PNLIPRP1: variants seen among roughly 807,000 people sequenced by gnomAD.
The protein encoded by PNLIPRP1 is inactive pancreatic lipase-related protein 1.
A neutral mutation model predicts 54.6 loss-of-function variants in PNLIPRP1; 57 were observed. That is an observed-to-expected ratio of 1.04 (90% CI 0.84 to 1.30). The LOEUF (loss-of-function observed/expected upper bound fraction) is 1.30, where lower values mean the gene tolerates loss of function less well. Among genes scored for constraint, PNLIPRP1 ranks in the 50% most tolerant of loss-of-function variants. The probability of loss-of-function intolerance (pLI) is 0.00; values close to 1 mark genes in which losing one functional copy is unlikely to be tolerated. For synonymous variants in PNLIPRP1, 232 were observed against 208.8 expected, an observed-to-expected ratio of 1.11 and a Z score of -0.96; for missense variants, 567 against 568.5, an observed-to-expected ratio of 1.00 and a Z score of 0.03.
chr10:116,591,810 A>T lies in PNLIPRP1; in HGVS notation c.89A>T (p.Asp30Val). The change falls in exon 3 of 13, where the codon GAC (aspartate) becomes GTC (valine). Residue 30 changes from aspartate to valine, a missense_variant. Physicochemically the swap from Asp to Val is radical, Grantham distance 152 (BLOSUM62 -3). Transcript: ENST00000358834. ...VCYEDLGCFS[D>V]TEPWGGTAIR... ...TATGAGGACCTCGGGTGCTTTTCTG[A>T]CACTGAGCCCTGGGGCGGGACAGCA... The T allele has an allele frequency of 6.2e-7, 1 of 1,614,198 alleles. No homozygotes were observed. Among genetic ancestry groups the T allele is most frequent in the South Asian group, 1.1e-5 (1 of 91,086 alleles).
At chr10:116,591,308 C>A in intron 2 of PNLIPRP1, 130 bp downstream of exon 2, 1 of 695,732 alleles carries the variant, frequency 1.4e-6, no homozygotes, top group Non-Finnish European at 2.5e-6. Flanking sequence ...TGGGCTGACA[C>A]TCTGCCTGGG....
chr10:116,592,824 C>A, intron 4 of PNLIPRP1: 1 of 446,942 alleles, frequency 2.2e-6, no homozygotes, highest in Non-Finnish European at 4.2e-6. Flanking sequence ...ACTTTGTATC[C>A]TATAAGCGAG....
chr10:116,604,904 G>C (rs1004368185), intron 11 of PNLIPRP1, among the ~76,000 whole-genome samples: 2 of 151,992 alleles, frequency 1.3e-5, no homozygotes, highest in African/African-American at 4.8e-5. Context: ...TGTTGGCCAG[G>C]CTGGTCTCGA....
chr10:116,603,797 G>A (rs1185725788), intron 10 of PNLIPRP1, among the ~76,000 whole-genome samples: 1 of 152,170 alleles, frequency 6.6e-6, no homozygotes, highest in East Asian at 1.9e-4. Context: ...GGAGGTTGAG[G>A]CAGAAGAATT....
At chr10:116,591,271 C>T in intron 2 of PNLIPRP1, 93 bp downstream of exon 2, 4 of 943,100 alleles carry the variant, frequency 4.2e-6, no homozygotes, top group Non-Finnish European at 6.7e-6. Flanking sequence ...GGGCTCCCAG[C>T]AGCTCCAGGG....
intron 4 of PNLIPRP1, chr10:116,594,409 C>T (rs1005006477): frequency 2.0e-6 from 1 of 500,098 alleles, no homozygotes; most frequent in Non-Finnish European, 3.9e-6. Flanking sequence ...GCACCTAAGA[C>T]TTTTCCTTTT....
At chr10:116,598,237 A>G (rs1847772309) in intron 8 of PNLIPRP1, 71 bp downstream of exon 8, 5 of 1,351,490 alleles carry the variant, frequency 3.7e-6, no homozygotes, top group Non-Finnish European at 5.0e-6. Context: ...TTCTGCAGCA[A>G]ATCTTAAGAA....
rs1554863949 is a variant in PNLIPRP1, at chr10:116,596,251, T to C, written c.503T>C (p.Ile168Thr). Reference protein sequence around the residue: ...YSYPPSKVHLIGHSLGAHVAG... With the variant: ...YSYPPSKVHLTGHSLGAHVAG... ...TACCCCCCTTCCAAAGTTCACCTCA[T>C]TGGCCACAGCCTGGGAGCCCACGTG... is the stretch of plus-strand genomic sequence containing the variant. The change falls in exon 6 of 13, where the codon ATT becomes ACT. Residue 168 changes from isoleucine (I) to threonine (T), a missense_variant. Coordinates refer to ENST00000358834, the MANE Select transcript of PNLIPRP1 (RefSeq NM_006229.4). 4 of 1,614,006 alleles carry C rather than the reference T, an allele frequency of 2.5e-6. No individual in the cohort carries two copies. The highest frequency in any genetic ancestry group is 2.2e-5 in the East Asian group (1 of 44,878).
chr10:116,596,371 A>G, intron 6 of PNLIPRP1, 49 bp downstream of exon 6: 1 of 1,139,050 alleles, frequency 8.8e-7, no homozygotes, highest in Non-Finnish European at 1.3e-6. Context: ...AAACCCCAGA[A>G]TGAGGTCTCA....
At chr10:116,597,334 C>T (rs569162398) in intron 6 of PNLIPRP1, among the ~76,000 whole-genome samples, 2 of 152,258 alleles carry the variant, frequency 1.3e-5, no homozygotes, top group African/African-American at 2.4e-5. Context: ...CATTATCACC[C>T]CATTTTGTAA....
intron 8 of PNLIPRP1, among the ~76,000 whole-genome samples, chr10:116,599,393 C>T (rs1554864459): frequency 6.6e-6 from 1 of 152,118 alleles, no homozygotes; most frequent in African/African-American, 2.4e-5. Flanking sequence ...AGTAATGGCC[C>T]AGCAAGCTCA....
intron 12 of PNLIPRP1, among the ~76,000 whole-genome samples, chr10:116,607,550 TCCAAGTGCATGAGGGGCGACAGGGC>T (rs1221809470): frequency 1.3e-5 from 2 of 152,112 alleles, no homozygotes; most frequent in African/African-American, 4.8e-5. Context: ...GGGCAACAGG[TCCAAGTGCATGAGGGGCGACAGGGC>T]CCAAGTGCAG....
Position 116,596,213 on chromosome 10 carries a change from G to A in PNLIPRP1, c.466-1G>A, listed in dbSNP as rs1341008446. 2 of 1,600,564 alleles carry A rather than the reference G, an allele frequency of 1.2e-6. No homozygotes were observed. Among genetic ancestry groups the A allele is most frequent in the Non-Finnish European group, 1.7e-6 (2 of 1,168,204 alleles). Reference sequence around the variant, plus strand: ...CTGAAAATACAATCTTCCCTCTCCAGACAGAGTATAGCTACCCCCCTTCCA... The same window carrying A: ...CTGAAAATACAATCTTCCCTCTCCAAACAGAGTATAGCTACCCCCCTTCCA... On this transcript the variant is annotated splice_acceptor_variant, in intron 5 of 12. Coordinates refer to ENST00000358834, the MANE Select transcript of PNLIPRP1 (RefSeq NM_006229.4). LOFTEE classifies it high-confidence loss of function.
In PNLIPRP1 at chr10:116,604,030, G is replaced by T; in HGVS notation, c.1064G>T (p.Arg355Leu). 6.3e-6 allele frequency: 10 copies of T among 1,598,420 alleles called. No homozygotes were observed. Among genetic ancestry groups the T allele is most frequent in the Non-Finnish European group, 8.6e-6 (10 of 1,166,594 alleles). ...TTGAACTCTTCCATCTCCTGTGCAG[G>T]CTGGAGATATGGGGTTTCCATCACA... Reference protein sequence around the residue: ...LNTGEASNFARWRYGVSITLS... With the variant: ...LNTGEASNFALWRYGVSITLS... Residue 355 changes from arginine to leucine, a missense_variant and splice_region_variant, in exon 11 of 13, where the codon CGC becomes CTC. By Grantham distance (102) the Arg-to-Leu change is moderately radical. Coordinates refer to ENST00000358834, the MANE Select transcript of PNLIPRP1 (RefSeq NM_006229.4).
chr10:116,598,084 C>A lies in PNLIPRP1; in HGVS notation c.732C>A (p.Phe244Leu), dbSNP rs1554864214. The A allele has an allele frequency of 1.2e-6, 2 of 1,614,026 alleles. No homozygotes were observed. The highest frequency in any genetic ancestry group is 1.3e-5 in the African/African-American group (1 of 74,908). ...GTNQQMGHLDFFPNGGESMPG... is the reference protein window; with the variant it reads ...GTNQQMGHLDLFPNGGESMPG... ...ACCAACAGATGGGTCATCTTGACTTCTTCCCCAATGGAGGAGAGAGCATGC... is the reference window on the plus strand; with the variant it reads ...ACCAACAGATGGGTCATCTTGACTTATTCCCCAATGGAGGAGAGAGCATGC... Residue 244 changes from phenylalanine (F) to leucine (L), a missense_variant, in exon 8 of 13, where the codon TTC becomes TTA. Physicochemically the swap from Phe to Leu is conservative, Grantham distance 22. Transcript: ENST00000358834.
rs782460714 is a variant in PNLIPRP1, at chr10:116,609,123, G to A, written c.*7G>A. On this transcript the variant is annotated 3_prime_UTR_variant, in exon 13 of 13. Transcript: ENST00000358834. The stretch of plus-strand genomic sequence containing the variant: ...CACCCTCACGCCCTGCTAAGCTCCC[G>A]GGGCGACGAGGCTGCTGCGTTCACA... 2.5e-6 allele frequency: 4 copies of A among 1,600,660 alleles called. No individual in the cohort carries two copies. In the South Asian group the frequency reaches 3.3e-5, roughly 13 times the overall value.
At chr10:116,598,192 G>A in intron 8 of PNLIPRP1, 26 bp downstream of exon 8, 1 of 1,603,608 alleles carries the variant, frequency 6.2e-7, no homozygotes, top group Non-Finnish European at 8.5e-7. Context: ...GGTGAGGGGA[G>A]CAGGGCGGGT....
intron 4 of PNLIPRP1, chr10:116,593,922 A>C (rs1332065994): frequency 1.3e-5 from 2 of 155,762 alleles, no homozygotes; most frequent in Admixed American, 1.4e-4. Flanking sequence ...GCGCCACTGC[A>C]CTCCAGCCTG....
In PNLIPRP1 at chr10:116,601,143, G is replaced by A. The variant is rs1160316058; in HGVS notation, c.1005G>A (p.Arg335=). The change falls in exon 10 of 13, where the codon AGG becomes AGA. Residue 335 remains arginine, a synonymous_variant. Transcript: ENST00000358834. Reference sequence around the variant, plus strand: ...ACTATGCTGATAAATTTGCTGGCAGGACAAGTGAAGAGCAGCAGAAATTCT... The same window carrying A: ...ACTATGCTGATAAATTTGCTGGCAGAACAAGTGAAGAGCAGCAGAAATTCT... ...MGHYADKFAG[R]TSEEQQKFFL... is the part of the protein sequence containing the mutation. The A allele has an allele frequency of 1.9e-6, 3 of 1,613,982 alleles. No individual in the cohort carries two copies. The highest frequency in any genetic ancestry group is 2.5e-6 in the Non-Finnish European group (3 of 1,180,004).
Sources: allele counts gnomAD v4.1 joint callset (sites outside exome capture counted in the v4.1 genomes callset), GRCh38; gene constraint gnomAD v4.1.1; transcripts MANE v1.5; gene names NCBI Gene and HGNC (gene_info 2026-07-23, HGNC 2026-07-21).